Variants in CFAP61 observed in about 807,000 individuals in gnomAD.
CFAP61 encodes the protein cilia- and flagella-associated protein 61.
CFAP61 carries 107 observed loss-of-function variants against 135.6 expected under a neutral mutation model. The observed-to-expected ratio is 0.79, with a 90% confidence interval of 0.67 to 0.93. The LOEUF is 0.93. Ranked by LOEUF, CFAP61 falls within the 40% of genes least tolerant of loss-of-function variation. CFAP61 has a pLI of 0.00. For missense variants in CFAP61, 1,507 were observed against 1,556.2 expected (o/e 0.97, Z 0.53); for synonymous variants, 575 against 578.5 (o/e 0.99, Z 0.09).
intron 8 of CFAP61, among the ~76,000 whole-genome samples, chr20:20,103,603 A>C (rs2048174335): frequency 6.6e-6 from 1 of 152,214 alleles, no homozygotes. Flanking sequence ...AGATCCCCTT[A>C]AATGCTAAAA....
intron 8 of CFAP61, among the ~76,000 whole-genome samples, chr20:20,122,118 A>C (rs2049695531): frequency 6.8e-6 from 1 of 147,442 alleles, no homozygotes; most frequent in African/African-American, 2.5e-5. Flanking sequence ...CTTTCCCCCC[A>C]AGTCCCCAAA....
At position 20,315,559 on chromosome 20, in the gene CFAP61, A is replaced by G. The variant is rs1281218839; in HGVS notation, c.3422+17173A>G. Among the ~76,000 whole-genome samples, 189 of 151,760 alleles carry G rather than the reference A, an allele frequency of 1.2e-3. 2 individuals are homozygous for G. Among genetic ancestry groups the G allele is most frequent in the African/African-American group, 4.3e-3 (177 of 41,448 alleles). On this transcript the variant is annotated intron_variant, in intron 25 of 26. Coordinates refer to ENST00000245957, the MANE Select transcript of CFAP61 (RefSeq NM_015585.4). The stretch of plus-strand genomic sequence containing the variant: ...GAGTTTAATTAGATCCCATTTGTCA[A>G]TTTTGGCTTTTGTTGCCATTGCTTT...
At chr20:20,207,659 G>A (rs918041006) in intron 17 of CFAP61, among the ~76,000 whole-genome samples, 3 of 152,216 alleles carry the variant, frequency 2.0e-5, no homozygotes, top group Non-Finnish European at 4.4e-5. Flanking sequence ...TGACAAAGAG[G>A]ACAATTAGAG....
At chr20:20,220,266 G>A (rs1327900) in intron 17 of CFAP61, 19,993 of 152,264 alleles carry the variant, frequency 0.13, 1,485 homozygotes, top group Middle Eastern at 0.21. Context: ...AACACTGGAG[G>A]TGCTGGGAGG....
chr20:20,146,077 G>A (rs1045900320), intron 9 of CFAP61, among the ~76,000 whole-genome samples: 1 of 152,192 alleles, frequency 6.6e-6, no homozygotes, highest in African/African-American at 2.4e-5. Flanking sequence ...TGTGAACAAT[G>A]TGGATCTTGT....
Position 20,266,061 on chromosome 20 carries a change from G to C in CFAP61, c.2503+2931G>C, listed in dbSNP as rs77849108. Reference sequence around the variant, plus strand: ...AGAGGCTCCCAGGAAATGCAGCAAAGAGTAGGATCCAGTGTGAGAGGAGGC... The same window carrying C: ...AGAGGCTCCCAGGAAATGCAGCAAACAGTAGGATCCAGTGTGAGAGGAGGC... On this transcript the variant is annotated intron_variant, in intron 21 of 26. Transcript: ENST00000245957. 2.0e-3 allele frequency among the ~76,000 whole-genome samples: 298 copies of C among 152,344 alleles called. 2 individuals carry two copies. The highest frequency in any genetic ancestry group is 6.2e-3 in the East Asian group (32 of 5,186).
intron 25 of CFAP61, among the ~76,000 whole-genome samples, chr20:20,305,361 G>A (rs2056406897): frequency 6.6e-6 from 1 of 152,186 alleles, no homozygotes; most frequent in South Asian, 2.1e-4. Context: ...GACTCCCGTT[G>A]GAATAATTTA....
intron 8 of CFAP61, among the ~76,000 whole-genome samples, chr20:20,107,342 A>G (rs889773209): frequency 2.0e-5 from 3 of 152,136 alleles, no homozygotes; most frequent in African/African-American, 7.2e-5. Context: ...GACTTTCGGT[A>G]TTTTCAGACC....
chr20:20,328,749 G>A (rs952446579), intron 25 of CFAP61, among the ~76,000 whole-genome samples: 2 of 152,128 alleles, frequency 1.3e-5, no homozygotes, highest in Admixed American at 1.3e-4. Context: ...TTTCAAAGAA[G>A]ACATATAGAC....
At chr20:20,353,081 T>C (rs1305347185) in intron 26 of CFAP61, among the ~76,000 whole-genome samples, 3 of 152,142 alleles carry the variant, frequency 2.0e-5, no homozygotes, top group Non-Finnish European at 4.4e-5. Flanking sequence ...AGGACCTGAA[T>C]AGACACTTCT....
chr20:20,299,804 T>G (rs2055934269), intron 25 of CFAP61, among the ~76,000 whole-genome samples: 1 of 152,228 alleles, frequency 6.6e-6, no homozygotes, highest in Non-Finnish European at 1.5e-5. Flanking sequence ...TGACTGTATT[T>G]ACACTGGTTC....
intron 21 of CFAP61, among the ~76,000 whole-genome samples, chr20:20,269,361 G>A (rs2053153022): frequency 6.6e-6 from 1 of 151,066 alleles, no homozygotes; most frequent in Admixed American, 6.6e-5. Flanking sequence ...ATGTATATGT[G>A]TACATATATA....
chr20:20,349,424 G>A (rs1303324502), intron 26 of CFAP61, among the ~76,000 whole-genome samples: 2 of 152,110 alleles, frequency 1.3e-5, no homozygotes, highest in Non-Finnish European at 2.9e-5. Context: ...TAAACAACCA[G>A]ATCTGGCATG....
intron 25 of CFAP61, among the ~76,000 whole-genome samples, chr20:20,314,517 T>TA (rs2057002192): frequency 6.8e-6 from 1 of 147,532 alleles, no homozygotes; most frequent in African/African-American, 2.5e-5. Context: ...TTTTGTTTTT[T>TA]TTTATTATTA....
intron 15 of CFAP61, among the ~76,000 whole-genome samples, chr20:20,195,153 G>C (rs2056199448): frequency 6.6e-6 from 1 of 152,128 alleles, no homozygotes; most frequent in African/African-American, 2.4e-5. Flanking sequence ...CACTGGCCCG[G>C]TTACCCTGAG....
intron 19 of CFAP61, among the ~76,000 whole-genome samples, chr20:20,247,155 A>AT (rs551954602): frequency 1.3e-5 from 2 of 152,154 alleles, no homozygotes; most frequent in African/African-American, 2.4e-5. Context: ...AGCTTGCTGG[A>AT]TTTTTTGTTA....
At chr20:20,116,484 T>C (rs893256070) in intron 8 of CFAP61, among the ~76,000 whole-genome samples, 1 of 152,202 alleles carries the variant, frequency 6.6e-6, no homozygotes, top group African/African-American at 2.4e-5. Context: ...GCTTTTGAGG[T>C]CTTACACAAA....
At chr20:20,075,806 T>TA (rs2046009730) in intron 6 of CFAP61, among the ~76,000 whole-genome samples, 191 bp downstream of exon 6, 1 of 152,246 alleles carries the variant, frequency 6.6e-6, no homozygotes, top group South Asian at 2.1e-4. Flanking sequence ...TATCTGATGA[T>TA]ACTCATTTGG....
intron 9 of CFAP61, among the ~76,000 whole-genome samples, chr20:20,151,710 G>A (rs2052435509): frequency 6.6e-6 from 1 of 151,180 alleles, no homozygotes; most frequent in African/African-American, 2.4e-5. Flanking sequence ...GGCACCTGTA[G>A]TCCCAGTTAC....
Sources: gnomAD v4.1 joint callset for allele counts (sites outside exome capture counted in the v4.1 genomes callset) on GRCh38, gnomAD v4.1.1 for gene constraint, MANE v1.5 for transcripts, NCBI Gene and HGNC (gene_info 2026-07-23, HGNC 2026-07-21) for gene names.